The following TMEM100 variants were observed in gnomAD, a reference collection of about 807,000 sequenced individuals.
The protein encoded by TMEM100 is transmembrane protein 100.
For missense variants in TMEM100, 137 were observed against 168.2 expected (o/e 0.81, Z 1.02); for synonymous variants, 61 against 67.1 (o/e 0.91, Z 0.44).
chr17:55,731,634 A>G (rs1171029371), intron 1 of TMEM100: 1 of 152,210 alleles, frequency 6.6e-6, no homozygotes, highest in East Asian at 1.9e-4. Context: ...TTAAAAAAAT[A>G]TTCCCTGATG....
chr17:55,726,884 A>G (rs1275050414), upstream of TMEM100, among the ~76,000 whole-genome samples: 1 of 152,162 alleles, frequency 6.6e-6, no homozygotes, highest in East Asian at 1.9e-4. Context: ...TTTGAGGTCT[A>G]GGACATTAAA....
intron 1 of TMEM100, among the ~76,000 whole-genome samples, chr17:55,729,670 A>T (rs929531974): frequency 1.3e-5 from 2 of 152,190 alleles, no homozygotes; most frequent in African/African-American, 2.4e-5. Flanking sequence ...TGACACACAT[A>T]CAATATATAC....
Position 55,720,453 on chromosome 17 carries a change from C to T in TMEM100, c.*213G>A. The T allele has an allele frequency of 1.7e-6, 1 of 595,906 alleles. No homozygotes were observed. The highest frequency in any genetic ancestry group is 2.9e-5 in the East Asian group (1 of 34,716). 36.9% of individuals were successfully genotyped at this position (595,906 alleles called of 1,614,324 possible). On this transcript the variant is annotated 3_prime_UTR_variant, in exon 2 of 2. Transcript: ENST00000424486. ...TCATGTAAATAGAAAGCTGATTTTT[C>T]AGTCTCAGAAGTAGCCCTTAGGGTT...
chr17:55,726,388 C>T (rs1368154026), upstream of TMEM100, among the ~76,000 whole-genome samples: 2 of 152,010 alleles, frequency 1.3e-5, no homozygotes, highest in African/African-American at 2.4e-5. Context: ...TGCCCATTTC[C>T]CTAAAGTGGA....
At chr17:55,725,701 A>ATGTGTGTG (rs57564459), upstream of TMEM100, among the ~76,000 whole-genome samples, 3,059 of 139,598 alleles carry the variant, frequency 0.022, 56 homozygotes, top group East Asian at 0.044. Context: ...ACCCATATAT[A>ATGTGTGTG]TGTGTGTGTG....
upstream of TMEM100, among the ~76,000 whole-genome samples, chr17:55,723,309 T>TC (rs3834581): frequency 0.29 from 44,775 of 151,994 alleles, 10,441 homozygotes; most frequent in African/African-American, 0.63. Context: ...TCCTAGGTTT[T>TC]CCATTATTCT....
upstream of TMEM100, among the ~76,000 whole-genome samples, chr17:55,725,619 G>A (rs1454598763): frequency 2.0e-5 from 3 of 151,710 alleles, no homozygotes; most frequent in East Asian, 1.9e-4. Flanking sequence ...TTAAGGGACC[G>A]GAGACAATTT....
chr17:55,730,774 G>A (rs1909185183), intron 1 of TMEM100, among the ~76,000 whole-genome samples: 1 of 152,188 alleles, frequency 6.6e-6, no homozygotes, highest in South Asian at 2.1e-4. Flanking sequence ...GTTCAAAATA[G>A]AACTGTTTAT....
chr17:55,731,265 A>G (rs1286040662), intron 1 of TMEM100, among the ~76,000 whole-genome samples: 2 of 152,220 alleles, frequency 1.3e-5, no homozygotes, highest in African/African-American at 4.8e-5. Flanking sequence ...TACAGCGCTA[A>G]TAGGGCTTGA....
At chr17:55,731,951 G>A (rs916150771) in exon 1 of TMEM100, 4 of 152,254 alleles carry the variant, frequency 2.6e-5, no homozygotes, top group African/African-American at 9.6e-5. Flanking sequence ...CATGACGTAA[G>A]TCGGAGACCT....
intron 1 of TMEM100, among the ~76,000 whole-genome samples, chr17:55,729,156 A>C (rs1279968342): frequency 6.6e-6 from 1 of 152,220 alleles, no homozygotes; most frequent in Admixed American, 6.5e-5. Context: ...GAGTGTTGGC[A>C]TGTCCTAGGG....
At chr17:55,726,514 G>C (rs558400407), upstream of TMEM100, among the ~76,000 whole-genome samples, 20 of 152,188 alleles carry the variant, frequency 1.3e-4, no homozygotes, top group Non-Finnish European at 2.6e-4. Context: ...TTCGCATTTT[G>C]TGAAGCATGC....
Position 55,720,910 on chromosome 17 carries a change from T to C in TMEM100, c.161A>G (p.Tyr54Cys). The change falls in exon 2 of 2, where the codon TAC becomes TGC. Residue 54 changes from tyrosine to cysteine, a missense_variant. Physicochemically the swap from Tyr to Cys is radical, Grantham distance 194. Transcript: ENST00000424486. ...CACAGCAAAGGGGATGATGCAGCGG[T>C]AGCAGGAGAGCTCGGTACCCCCTGT... ...AATGGTELSC[Y>C]RCIIPFAVVV... 1 of 1,614,174 alleles carries C rather than the reference T, an allele frequency of 6.2e-7. No homozygotes were observed. The highest frequency in any genetic ancestry group is 8.5e-7 in the Non-Finnish European group (1 of 1,180,026).
In TMEM100 at chr17:55,720,698, G is replaced by C; in HGVS notation, c.373C>G (p.Leu125Val). ...AACAAGCTTCTCTGATTTGCCACGA[G>C]AGCTGTTTGACTCTCCCGTCTCTTG... Reference protein sequence around the residue: ...KAKRRESQTALVANQRSLFA With the variant: ...KAKRRESQTAVVANQRSLFA The change falls in exon 2 of 2, where the codon CTC (leucine) becomes GTC (valine). Residue 125 changes from leucine (L) to valine (V), a missense_variant. Physicochemically the swap from Leu to Val is conservative, Grantham distance 32. Transcript: ENST00000424486. The C allele has an allele frequency of 1.2e-6, 2 of 1,612,474 alleles. No individual in the cohort carries two copies. Among genetic ancestry groups the C allele is most frequent in the Non-Finnish European group, 1.7e-6 (2 of 1,179,386 alleles).
chr17:55,728,856 A>C (rs1909135045), intron 1 of TMEM100, among the ~76,000 whole-genome samples: 1 of 152,144 alleles, frequency 6.6e-6, no homozygotes, highest in Non-Finnish European at 1.5e-5. Flanking sequence ...ACAGGCATTT[A>C]ACATTATAAA....
intron 1 of TMEM100, among the ~76,000 whole-genome samples, chr17:55,730,027 C>T (rs1909166449): frequency 6.6e-6 from 1 of 152,050 alleles, no homozygotes; most frequent in African/African-American, 2.4e-5. Flanking sequence ...TTATGTTGCC[C>T]CCATGAGTGA....
chr17:55,723,880 A>G (rs1478138150), upstream of TMEM100, among the ~76,000 whole-genome samples: 1 of 152,218 alleles, frequency 6.6e-6, no homozygotes, highest in Non-Finnish European at 1.5e-5. Flanking sequence ...TTCCCACCCC[A>G]TAAACCTGTA....
At chr17:55,727,190 T>C (rs1042803534), upstream of TMEM100, among the ~76,000 whole-genome samples, 2 of 152,224 alleles carry the variant, frequency 1.3e-5, no homozygotes, top group Non-Finnish European at 2.9e-5. Context: ...ATTGATTTTC[T>C]TGTCTCAAAA....
chr17:55,720,973 G>A lies in TMEM100; in HGVS notation c.98C>T (p.Thr33Ile). Reference sequence around the variant, plus strand: ...CTGAATCTCACTGACCAGAGGGACTGTGGTGATCACAACTTCACTCTTGGG... The same window carrying A: ...CTGAATCTCACTGACCAGAGGGACTATGGTGATCACAACTTCACTCTTGGG... The part of the protein sequence containing the change: ...KSPKSEVVIT[T>I]VPLVSEIQLM... Residue 33 changes from threonine to isoleucine, a missense_variant, in exon 2 of 2, where the codon ACA becomes ATA. By Grantham distance (89) the Thr-to-Ile change is moderately conservative (BLOSUM62 -1). Transcript: ENST00000424486. 1 of 1,614,226 alleles carries A rather than the reference G, an allele frequency of 6.2e-7. No individual in the cohort carries two copies. Among genetic ancestry groups the A allele is most frequent in the Non-Finnish European group, 8.5e-7 (1 of 1,180,032 alleles).
Sources: gnomAD v4.1 joint callset for allele counts (sites outside exome capture counted in the v4.1 genomes callset) on GRCh38, gnomAD v4.1.1 for gene constraint, MANE v1.5 for transcripts, NCBI Gene and HGNC (gene_info 2026-07-23, HGNC 2026-07-21) for gene names.